Variants in ARMS2 observed in about 807,000 individuals in gnomAD.
ARMS2 encodes the protein age-related maculopathy susceptibility protein 2.
Under a neutral mutation model 6.0 loss-of-function variants are expected in ARMS2, and 4 were observed. The observed-to-expected ratio is 0.67, with a 90% confidence interval of 0.33 to 1.53. The LOEUF is 1.53. ARMS2 is among the 40% of genes most tolerant of loss of function. The pLI is 0.06. For missense variants in ARMS2, 99 were observed against 127.6 expected, an observed-to-expected ratio of 0.78 and a Z score of 1.08; for synonymous variants, 49 against 51.7, an observed-to-expected ratio of 0.95 and a Z score of 0.22.
chr10:122,455,790 G>C (rs548379205), intron 1 of ARMS2, among the ~76,000 whole-genome samples: 1 of 152,108 alleles, frequency 6.6e-6, no homozygotes, highest in Admixed American at 6.5e-5. Flanking sequence ...TAATGTCCTT[G>C]ATTCAATGTT....
chr10:122,455,883 C>A (rs750694657), intron 1 of ARMS2, among the ~76,000 whole-genome samples: 1 of 152,092 alleles, frequency 6.6e-6, no homozygotes, highest in Non-Finnish European at 1.5e-5. Flanking sequence ...CAGAAATTGA[C>A]AAGCTGTCAT....
At chr10:122,455,169 T>C (rs959877030) in intron 1 of ARMS2, 145 bp downstream of exon 1, 6 of 600,050 alleles carry the variant, frequency 1.0e-5, no homozygotes, top group Non-Finnish European at 8.9e-6. Flanking sequence ...CAGGGAGGCC[T>C]AGGCAATTCA....
In ARMS2 at chr10:122,457,016, G is replaced by A; in HGVS notation, c.*83G>A. 6.5e-7 allele frequency: 1 copy of A among 1,537,012 alleles called. No homozygotes were observed. The highest frequency in any genetic ancestry group is 8.8e-7 in the Non-Finnish European group (1 of 1,135,512). ...GAAGCCAAAAATCCTTAGGAGGACAGAGGGAGTCCCTCACAACCTAGACTG... is the reference window on the plus strand; with the variant it reads ...GAAGCCAAAAATCCTTAGGAGGACAAAGGGAGTCCCTCACAACCTAGACTG... On this transcript the variant is annotated 3_prime_UTR_variant, in exon 2 of 2. Coordinates refer to ENST00000528446, the MANE Select transcript of ARMS2 (RefSeq NM_001099667.3).
Position 122,456,986 on chromosome 10 carries a change from A to G in ARMS2, c.*53A>G, listed in dbSNP as rs189795303. On this transcript the variant is annotated 3_prime_UTR_variant, in exon 2 of 2. Transcript: ENST00000528446. The stretch of plus-strand genomic sequence containing the variant: ...CCAACTGGAGCTTCTCATCAGCATC[A>G]ATGTGAAGCCAAAAATCCTTAGGAG... 23 of 1,550,372 alleles carry G rather than the reference A, an allele frequency of 1.5e-5. No homozygotes were observed. In the African/African-American group the frequency reaches 2.3e-4, roughly 16 times the overall value.
At chr10:122,455,252 G>GA (rs2097476274) in intron 1 of ARMS2, among the ~76,000 whole-genome samples, 1 of 152,214 alleles carries the variant, frequency 6.6e-6, no homozygotes, top group Non-Finnish European at 1.5e-5. Context: ...CTACATGCCA[G>GA]AAAAAGGAAA....
At chr10:122,455,842 G>A (rs544413332) in intron 1 of ARMS2, among the ~76,000 whole-genome samples, 33 of 151,796 alleles carry the variant, frequency 2.2e-4, no homozygotes, top group Non-Finnish European at 4.1e-4. Context: ...AAATGTGAGC[G>A]CGCTCAGCTT....
intron 1 of ARMS2, among the ~76,000 whole-genome samples, chr10:122,455,701 A>C (rs1312062958): frequency 6.6e-6 from 1 of 152,220 alleles, no homozygotes; most frequent in Non-Finnish European, 1.5e-5. Context: ...ATAATTAGAC[A>C]AATGAGAGAA....
intron 1 of ARMS2, 82 bp from the exon 2 acceptor site, chr10:122,456,825 A>C: frequency 6.5e-7 from 1 of 1,534,100 alleles, no homozygotes; most frequent in Non-Finnish European, 8.8e-7. Flanking sequence ...TGCATCTTCA[A>C]CTTAATTTAA....
At chr10:122,455,403 G>C (rs139362987) in intron 1 of ARMS2, among the ~76,000 whole-genome samples, 1 of 152,046 alleles carries the variant, frequency 6.6e-6, no homozygotes, top group African/African-American at 2.4e-5. Context: ...CCTGCTTCTC[G>C]TCCGGGTTGT....
rs2133900324 is a variant in ARMS2, at chr10:122,457,030, C to T, written c.*97C>T. 5 of 1,484,820 alleles carry T rather than the reference C, an allele frequency of 3.4e-6. No homozygotes were observed. In the Admixed American group the frequency reaches 1.0e-4, roughly 30 times the overall value. 92.0% of individuals were successfully genotyped at this position (1,484,820 alleles called of 1,614,324 possible). On this transcript the variant is annotated 3_prime_UTR_variant, in exon 2 of 2. Transcript: ENST00000528446. Reference sequence around the variant, plus strand: ...TTAGGAGGACAGAGGGAGTCCCTCACAACCTAGACTGGTCCCCTTCCCTCC... The same window carrying T: ...TTAGGAGGACAGAGGGAGTCCCTCATAACCTAGACTGGTCCCCTTCCCTCC...
At chr10:122,455,163 G>A (rs1035072352) in intron 1 of ARMS2, 139 bp downstream of exon 1, 42 of 607,176 alleles carry the variant, frequency 6.9e-5, no homozygotes, top group Non-Finnish European at 4.7e-5. Flanking sequence ...TGGCCACAGG[G>A]AGGCCTAGGC....
Position 122,454,993 on chromosome 10 carries a change from G to T in ARMS2, c.266G>T (p.Arg89Met). 1 of 1,608,472 alleles carries T rather than the reference G, an allele frequency of 6.2e-7. No individual in the cohort carries two copies. Among genetic ancestry groups the T allele is most frequent in the Non-Finnish European group, 8.5e-7 (1 of 1,175,802 alleles). The change falls in exon 1 of 2, where the codon AGG becomes ATG. Residue 89 changes from arginine (R) to methionine (M), a missense_variant. By Grantham distance (91) the Arg-to-Met change is moderately conservative. Coordinates refer to ENST00000528446, the MANE Select transcript of ARMS2 (RefSeq NM_001099667.3). ...TTCTCTCCTGCTGGAACCCAGAGGA[G>T]GTTCCAGCAGCCTCAGCACCACCTG... ...AFFSPAGTQR[R>M]FQQPQHHLTL...
Position 122,454,914 on chromosome 10 carries a change from C to T in ARMS2, c.187C>T (p.His63Tyr). 5 of 1,613,892 alleles carry T rather than the reference C, an allele frequency of 3.1e-6. No homozygotes were observed. Among genetic ancestry groups the T allele is most frequent in the Non-Finnish European group, 4.2e-6 (5 of 1,179,828 alleles). The part of the protein sequence containing the change: ...DKQRSKLSLS[H>Y]SMIPAAKIHT... ...GCAGAGGAGCAAACTGTCTTTATCA[C>T]ACTCCATGATCCCAGCTGCTAAAAT... The change falls in exon 1 of 2, where the codon CAC becomes TAC. Residue 63 changes from histidine to tyrosine, a missense_variant. Physicochemically the swap from His to Tyr is moderately conservative, Grantham distance 83. Coordinates refer to ENST00000528446, the MANE Select transcript of ARMS2 (RefSeq NM_001099667.3).
rs1043617177 is a variant in ARMS2, at chr10:122,456,798, T to C, written c.298-109T>C. The C allele has an allele frequency of 6.2e-6, 9 of 1,460,076 alleles. No homozygotes were observed. In the African/African-American group the frequency reaches 1.3e-4, roughly 21 times the overall value. The allele number at this position is 1,460,076 out of a possible 1,614,324, so 90.4% of individuals were successfully genotyped here. ...AATGGAATGTCTATACTTCTTACCC[T>C]ATTGAGTTACATTAACTGCATCTTC... is the stretch of plus-strand genomic sequence containing the variant. On this transcript the variant is annotated intron_variant, in intron 1 of 1. Transcript: ENST00000528446.
intron 1 of ARMS2, 116 bp from the exon 2 acceptor site, chr10:122,456,791 C>A (rs534970084): frequency 7.0e-7 from 1 of 1,425,764 alleles, no homozygotes; most frequent in South Asian, 1.4e-5. Context: ...GTCTATACTT[C>A]TTACCCTATT....
At chr10:122,455,737 CTT>C (rs2097476633) in intron 1 of ARMS2, among the ~76,000 whole-genome samples, 1 of 152,112 alleles carries the variant, frequency 6.6e-6, no homozygotes, top group Non-Finnish European at 1.5e-5. Flanking sequence ...CCTTCCCTCT[CTT>C]AATTTTTGTT....
In ARMS2 at chr10:122,457,044, C is replaced by A; in HGVS notation, c.*111C>A. 7.2e-7 allele frequency: 1 copy of A among 1,387,142 alleles called. No homozygotes were observed. Among genetic ancestry groups the A allele is most frequent in the South Asian group, 1.3e-5 (1 of 75,770 alleles). The allele number at this position is 1,387,142 out of a possible 1,614,324, so 85.9% of individuals were successfully genotyped here. On this transcript the variant is annotated 3_prime_UTR_variant, in exon 2 of 2. Coordinates refer to ENST00000528446, the MANE Select transcript of ARMS2 (RefSeq NM_001099667.3). ...GGAGTCCCTCACAACCTAGACTGGT[C>A]CCCTTCCCTCCAGCTGCCTCAACTG...
intron 1 of ARMS2, 133 bp from the exon 2 acceptor site, chr10:122,456,774 A>G: frequency 7.7e-7 from 1 of 1,298,034 alleles, no homozygotes; most frequent in Admixed American, 2.7e-5. Flanking sequence ...TACAAAAGGA[A>G]TGGAATGTCT....
In ARMS2 at chr10:122,456,920, C is replaced by T; in HGVS notation, c.311C>T (p.Thr104Ile). ...TTTTTTTTTCAGTCTATCATCCACA[C>T]TGCAGCAAGGTGATTCTGCCAAAAC... ...QHHLTLSIIH[T>I]AAR Residue 104 changes from threonine to isoleucine, a missense_variant, in exon 2 of 2, where the codon ACT becomes ATT. By Grantham distance (89) the Thr-to-Ile change is moderately conservative (BLOSUM62 -1). Coordinates refer to ENST00000528446, the MANE Select transcript of ARMS2 (RefSeq NM_001099667.3). 1.9e-6 allele frequency: 3 copies of T among 1,551,486 alleles called. No individual in the cohort carries two copies. Among genetic ancestry groups the T allele is most frequent in the South Asian group, 1.2e-5 (1 of 84,022 alleles).
Sources: gnomAD v4.1 joint callset for allele counts (sites outside exome capture counted in the v4.1 genomes callset) on GRCh38, gnomAD v4.1.1 for gene constraint, MANE v1.5 for transcripts, NCBI Gene and HGNC (gene_info 2026-07-23, HGNC 2026-07-21) for gene names.